Variants in ZNF695 observed in about 807,000 individuals in gnomAD.
ZNF695 encodes the protein zinc finger protein SBZF3.
Under a neutral mutation model 11.2 loss-of-function variants are expected in ZNF695, and 11 were observed. The ratio of observed to expected loss-of-function variants is 0.98; its 90% confidence interval spans 0.62 to 1.62. The LOEUF (loss-of-function observed/expected upper bound fraction) is 1.62. Ranked by LOEUF, ZNF695 falls within the 40% of genes most tolerant of loss-of-function variation. ZNF695 has a pLI of 0.00. For synonymous variants in ZNF695, 190 were observed against 201.4 expected (o/e 0.94, Z 0.48); for missense variants, 559 against 590.5 (o/e 0.95, Z 0.55).
chr1:246,947,502 C>T (rs992690082), intron 5 of ZNF695, among the ~76,000 whole-genome samples: 4 of 152,108 alleles, frequency 2.6e-5, no homozygotes, highest in African/African-American at 7.2e-5. Context: ...CTTCCTTTCC[C>T]GCACTACTGC....
chr1:246,994,707 G>A (rs1669143285), intron 3 of ZNF695, among the ~76,000 whole-genome samples: 2 of 150,384 alleles, frequency 1.3e-5, no homozygotes, highest in East Asian at 2.0e-4. Context: ...CATGGTGGAG[G>A]GCGTCTGTAG....
At chr1:247,001,165 C>T (rs919532147) in intron 1 of ZNF695, among the ~76,000 whole-genome samples, 1 of 152,152 alleles carries the variant, frequency 6.6e-6, no homozygotes, top group Non-Finnish European at 1.5e-5. Flanking sequence ...CATACAGTGA[C>T]ACCCATAGGC....
In ZNF695 at chr1:246,987,004, G is replaced by A; in HGVS notation, c.1511C>T (p.Ser504Phe). ...CEECGKAFNH[S>F]AQLAVHEKTH... is the part of the protein sequence containing the mutation. Reference sequence around the variant, plus strand: ...TTTCTCATGTACAGCAAGTTGTGCAGAGTGGTTAAAGGCTTTGCCACATTC... The same window carrying A: ...TTTCTCATGTACAGCAAGTTGTGCAAAGTGGTTAAAGGCTTTGCCACATTC... Residue 504 changes from serine to phenylalanine, a missense_variant, in exon 4 of 4, where the codon TCT becomes TTT. By Grantham distance (155) the Ser-to-Phe change is radical. Transcript: ENST00000339986. 6.2e-7 allele frequency: 1 copy of A among 1,603,592 alleles called. No homozygotes were observed. The highest frequency in any genetic ancestry group is 1.3e-5 in the African/African-American group (1 of 74,314).
intron 4 of ZNF695, among the ~76,000 whole-genome samples, chr1:246,975,841 CT>C (rs1668544011): frequency 6.6e-6 from 1 of 152,062 alleles, no homozygotes; most frequent in Non-Finnish European, 1.5e-5. Context: ...AAAAGGGAAT[CT>C]TTAAAGAGGC....
At chr1:246,967,064 C>T (rs1485963299) in intron 5 of ZNF695, among the ~76,000 whole-genome samples, 1 of 152,036 alleles carries the variant, frequency 6.6e-6, no homozygotes, top group Non-Finnish European at 1.5e-5. Flanking sequence ...TCAGCCTCCC[C>T]AGCAGCTGGG....
chr1:246,990,082 GAGAA>G (rs1246187132), intron 3 of ZNF695, among the ~76,000 whole-genome samples: 2 of 150,232 alleles, frequency 1.3e-5, no homozygotes, highest in Non-Finnish European at 3.0e-5. Context: ...GAAGGGAAGG[GAGAA>G]AGAGAGAGAA....
intron 5 of ZNF695, among the ~76,000 whole-genome samples, chr1:246,959,477 A>G (rs1053772595): frequency 6.6e-6 from 1 of 150,572 alleles, no homozygotes; most frequent in Non-Finnish European, 1.5e-5. Context: ...CCCAGGCTGG[A>G]GTGCAGTGGC....
intron 5 of ZNF695, among the ~76,000 whole-genome samples, chr1:246,947,146 A>G (rs1667757549): frequency 6.7e-6 from 1 of 150,060 alleles, no homozygotes; most frequent in Non-Finnish European, 1.5e-5. Flanking sequence ...TCAAAAAAAA[A>G]AAAAAAAAAA....
chr1:246,958,823 C>T (rs1299171972), intron 5 of ZNF695, among the ~76,000 whole-genome samples: 3 of 152,100 alleles, frequency 2.0e-5, no homozygotes, highest in African/African-American at 7.2e-5. Context: ...TAGTAACACG[C>T]GGGGACAGTG....
In ZNF695 at chr1:246,991,097, T is replaced by A. The variant is rs537107065; in HGVS notation, c.260-2842A>T. 1.3e-4 allele frequency among the ~76,000 whole-genome samples: 20 copies of A among 151,956 alleles called. No individual in the cohort carries two copies. The South Asian group carries it at 2.9e-3, about 22-fold the overall frequency. On this transcript the variant is annotated intron_variant, in intron 3 of 3. Coordinates refer to ENST00000339986, the MANE Select transcript of ZNF695 (RefSeq NM_020394.5). ...CCCAAAATTAGTAGAAGAAAAATAA[T>A]GAAGATCAGAGCAGAAATAAATGAA...
At chr1:246,989,719 T>G (rs1558316387) in intron 3 of ZNF695, among the ~76,000 whole-genome samples, 1 of 152,166 alleles carries the variant, frequency 6.6e-6, no homozygotes. Flanking sequence ...CCTGTTGCCT[T>G]TAAGAAACAC....
Position 246,999,946 on chromosome 1 carries a change from A to T in ZNF695, c.132T>A (p.Gly44=), listed in dbSNP as rs746640401. ...GGAATTGCATATTGAAGCTATCCTC[A>T]CCAAGGGAGATCAGGTTTCTGTAGT... ...LENYRNLISL[G]EDSFNMQFLF... The change falls in exon 2 of 4, where the codon GGT becomes GGA. Residue 44 remains glycine, a synonymous_variant. Coordinates refer to ENST00000339986, the MANE Select transcript of ZNF695 (RefSeq NM_020394.5). 1.2e-6 allele frequency: 2 copies of T among 1,614,188 alleles called. No individual in the cohort carries two copies. The highest frequency in any genetic ancestry group is 3.3e-5 in the Admixed American group (2 of 60,010).
intron 3 of ZNF695, among the ~76,000 whole-genome samples, chr1:246,989,535 C>T (rs1428462691): frequency 6.9e-6 from 1 of 144,682 alleles, no homozygotes; most frequent in Non-Finnish European, 1.5e-5. Context: ...AAATCACCTT[C>T]ACTAAAGGAA....
intron 2 of ZNF695, 49 bp from the exon 3 acceptor site, chr1:246,999,489 C>T (rs1669303093): frequency 7.0e-7 from 1 of 1,434,384 alleles, no homozygotes; most frequent in Non-Finnish European, 9.8e-7. Context: ...ATTCTTTAAT[C>T]ACCTTTTACT....
chr1:247,004,923 G>A (rs1669491256), intron 1 of ZNF695, among the ~76,000 whole-genome samples: 2 of 152,162 alleles, frequency 1.3e-5, no homozygotes, highest in Admixed American at 1.3e-4. Context: ...GAAAGAAACT[G>A]AAGAGCACAC....
At chr1:246,966,977 C>T (rs935657242) in intron 5 of ZNF695, 92 of 405,794 alleles carry the variant, frequency 2.3e-4, no homozygotes, top group Middle Eastern at 1.7e-3. Flanking sequence ...TCACTCTTGT[C>T]GCCCAGGCTG....
At chr1:246,956,752 G>A (rs1668012383) in intron 5 of ZNF695, among the ~76,000 whole-genome samples, 1 of 152,090 alleles carries the variant, frequency 6.6e-6, no homozygotes, top group African/African-American at 2.4e-5. Flanking sequence ...TTGCTGTGTT[G>A]CCCAAGCTAG....
At chr1:246,960,768 T>C (rs1325362491) in intron 5 of ZNF695, among the ~76,000 whole-genome samples, 2 of 151,852 alleles carry the variant, frequency 1.3e-5, no homozygotes, top group African/African-American at 4.8e-5. Flanking sequence ...GGCAAAACTC[T>C]AGAAAAATAT....
At chr1:247,000,415 G>T (rs1476475079) in intron 1 of ZNF695, among the ~76,000 whole-genome samples, 1 of 152,138 alleles carries the variant, frequency 6.6e-6, no homozygotes. Flanking sequence ...TGAGGCAGGA[G>T]AGTTGCTTGA....
Sources: allele counts gnomAD v4.1 joint callset (sites outside exome capture counted in the v4.1 genomes callset), GRCh38; gene constraint gnomAD v4.1.1; transcripts MANE v1.5; gene names NCBI Gene and HGNC (gene_info 2026-07-23, HGNC 2026-07-21).